Variants in MYO18B observed in about 807,000 individuals in gnomAD.
The protein encoded by MYO18B is unconventional myosin-XVIIIb.
A neutral mutation model predicts 273.0 loss-of-function variants in MYO18B; 204 were observed. That is an observed-to-expected ratio of 0.75 (90% CI 0.67 to 0.84). MYO18B has a LOEUF of 0.84. Among genes scored for constraint, MYO18B ranks in the 40% least tolerant of loss-of-function variants. MYO18B has a pLI of 0.00. For synonymous variants in MYO18B, 1,330 were observed against 1,305.7 expected, an observed-to-expected ratio of 1.02 and a Z score of -0.40; for missense variants, 3,212 against 3,287.6, an observed-to-expected ratio of 0.98 and a Z score of 0.56.
the MYO18B span, among the ~76,000 whole-genome samples, chr22:26,054,421 CCT>C: frequency 6.6e-6 from 1 of 152,092 alleles, no homozygotes; most frequent in Non-Finnish European, 1.5e-5. Flanking sequence ...TGTACAATCC[CCT>C]GTTACTATGA....
intron 34 of MYO18B, among the ~76,000 whole-genome samples, chr22:25,925,498 C>T (rs377716934): frequency 1.3e-4 from 20 of 152,144 alleles, no homozygotes; most frequent in African/African-American, 4.8e-4. Flanking sequence ...TAATTCATGA[C>T]TTTTGACAAG....
chr22:25,770,493 A>C (rs1385547108), intron 5 of MYO18B, among the ~76,000 whole-genome samples: 1 of 152,148 alleles, frequency 6.6e-6, no homozygotes, highest in Non-Finnish European at 1.5e-5. Flanking sequence ...CTCTACTGAG[A>C]AGTGATGCTG....
At chr22:25,852,457 GTCT>G (rs2090453638) in intron 21 of MYO18B, among the ~76,000 whole-genome samples, 1 of 152,216 alleles carries the variant, frequency 6.6e-6, no homozygotes, top group South Asian at 2.1e-4. Flanking sequence ...GTCCCTGTGT[GTCT>G]TCTTTCTCCA....
chr22:26,061,702 T>G, the MYO18B span, among the ~76,000 whole-genome samples: 2 of 151,578 alleles, frequency 1.3e-5, no homozygotes, highest in Admixed American at 1.3e-4. Context: ...AGAAAGGTCA[T>G]TCTTCTGATG....
At chr22:25,871,802 A>T (rs1175135155) in intron 22 of MYO18B, among the ~76,000 whole-genome samples, 1 of 152,196 alleles carries the variant, frequency 6.6e-6, no homozygotes, top group Admixed American at 6.5e-5. Context: ...ACAAAAAACA[A>T]AAAACAAAAA....
At chr22:25,851,619 A>G (rs1430041356) in intron 21 of MYO18B, 40 bp downstream of exon 21, 2 of 1,383,062 alleles carry the variant, frequency 1.4e-6, no homozygotes, top group African/African-American at 1.4e-5. Context: ...GGCCCTAGAT[A>G]TGGATATGTT....
chr22:26,035,153 G>A (rs1447500867), downstream of MYO18B, among the ~76,000 whole-genome samples: 2 of 152,140 alleles, frequency 1.3e-5, no homozygotes, highest in Non-Finnish European at 2.9e-5. Context: ...CAGACCATGA[G>A]TATTGCCAGG....
chr22:25,873,458 CT>C (rs908563543), intron 22 of MYO18B, among the ~76,000 whole-genome samples: 1 of 152,058 alleles, frequency 6.6e-6, no homozygotes, highest in East Asian at 1.9e-4. Flanking sequence ...TCTTTCCTTT[CT>C]TTTTTTTGAG....
chr22:25,921,732 GTGTGTGTGTA>G (rs2092347285), intron 34 of MYO18B, among the ~76,000 whole-genome samples: 3 of 145,578 alleles, frequency 2.1e-5, no homozygotes, highest in Non-Finnish European at 4.5e-5. Context: ...GTGTGTGTGT[GTGTGTGTGTA>G]TGTGTATGTG....
intron 40 of MYO18B, among the ~76,000 whole-genome samples, chr22:25,999,102 C>G (rs550449283): frequency 6.6e-6 from 1 of 152,236 alleles, no homozygotes; most frequent in Admixed American, 6.5e-5. Flanking sequence ...AGGCTCCTAC[C>G]ATTATTCTTC....
At chr22:25,956,238 CAG>C (rs1272636061) in intron 39 of MYO18B, among the ~76,000 whole-genome samples, 2 of 147,432 alleles carry the variant, frequency 1.4e-5, no homozygotes, top group Non-Finnish European at 3.0e-5. Context: ...TCCCTGGAGA[CAG>C]AGTCTTGCAC....
At chr22:25,871,361 A>C (rs1045537014) in intron 22 of MYO18B, among the ~76,000 whole-genome samples, 1 of 152,174 alleles carries the variant, frequency 6.6e-6, no homozygotes, top group African/African-American at 2.4e-5. Flanking sequence ...TGCTGAATAC[A>C]TTTGTCAGTG....
At chr22:26,036,456 G>A in the MYO18B span, among the ~76,000 whole-genome samples, 1 of 152,072 alleles carries the variant, frequency 6.6e-6, no homozygotes, top group African/African-American at 2.4e-5. Context: ...CTATCCATGT[G>A]TTCTATATGT....
At chr22:26,014,150 T>C (rs1935126657) in intron 42 of MYO18B, among the ~76,000 whole-genome samples, 1 of 152,226 alleles carries the variant, frequency 6.6e-6, no homozygotes, top group Non-Finnish European at 1.5e-5. Flanking sequence ...AGATACACAA[T>C]GCATCATGAA....
intron 12 of MYO18B, among the ~76,000 whole-genome samples, chr22:25,799,444 C>A (rs1419192465): frequency 6.6e-6 from 1 of 152,052 alleles, no homozygotes; most frequent in African/African-American, 2.4e-5. Context: ...CTTCATGGGG[C>A]CTTTGGTGCA....
chr22:25,878,862 G>A (rs904830481), intron 25 of MYO18B, among the ~76,000 whole-genome samples: 1 of 152,184 alleles, frequency 6.6e-6, no homozygotes, highest in Non-Finnish European at 1.5e-5. Flanking sequence ...CCTGTGGCTG[G>A]CCATTCCACC....
chr22:25,901,806 GTTT>G (rs34278088), intron 29 of MYO18B, among the ~76,000 whole-genome samples: 10,021 of 92,100 alleles, frequency 0.11, 431 homozygotes, highest in African/African-American at 0.23. Context: ...TTTTGGGTTG[GTTT>G]TTTTTTTTTT....
chr22:25,759,985 T>A (rs1436290492), intron 1 of MYO18B, among the ~76,000 whole-genome samples: 3 of 152,200 alleles, frequency 2.0e-5, no homozygotes, highest in African/African-American at 4.8e-5. Flanking sequence ...AGGCTCTCAA[T>A]ATGATGACAA....
chr22:25,875,742 C>G (rs2091173825), intron 23 of MYO18B, among the ~76,000 whole-genome samples: 1 of 152,216 alleles, frequency 6.6e-6, no homozygotes, highest in Admixed American at 6.5e-5. Context: ...TTTAAATACA[C>G]TGTGAAAATG....
Sources: gnomAD v4.1 joint callset for allele counts (sites outside exome capture counted in the v4.1 genomes callset) on GRCh38, gnomAD v4.1.1 for gene constraint, MANE v1.5 for transcripts, NCBI Gene and HGNC (gene_info 2026-07-23, HGNC 2026-07-21) for gene names.